The following TTLL9 variants were observed in gnomAD, a reference collection of about 807,000 sequenced individuals.
The protein encoded by TTLL9 is tubulin tyrosine ligase like 9, also known as probable tubulin polyglutamylase TTLL9.
Under a neutral mutation model 65.6 loss-of-function variants are expected in TTLL9, and 47 were observed. The observed-to-expected ratio is 0.72, with a 90% CI of 0.57 to 0.91. The LOEUF is 0.91. TTLL9 is among the 40% of genes least tolerant of loss of function. The pLI, the probability that TTLL9 is intolerant of heterozygous loss-of-function variation, is 0.00. For synonymous variants in TTLL9, 179 were observed against 204.8 expected (o/e 0.87, Z 1.07); for missense variants, 537 against 568.8 (o/e 0.94, Z 0.57).
At chr20:31,942,263 C>T (rs2064223022) in intron 14 of TTLL9, among the ~76,000 whole-genome samples, 2 of 152,188 alleles carry the variant, frequency 1.3e-5, no homozygotes, top group Admixed American at 1.3e-4. Context: ...CCATAGTTAC[C>T]TCAAGGATCA....
rs2062924880 is a variant in TTLL9 at position 31,871,190 on chromosome 20, T to C, written c.64T>C (p.Leu22=). Residue 22 remains leucine (L), a synonymous_variant, in exon 2 of 15, where the codon TTA becomes CTA. Coordinates refer to ENST00000535842, the MANE Select transcript of TTLL9 (RefSeq NM_001008409.5). ...AACTGCCATTAGGTGCCCCAAGAAA[T>C]TACAGGTGAATGTTGGGAGAGGGGT... ...GTTAIRCPKK[L]QNQNYKGHGL... 1 of 1,614,030 alleles carries C rather than the reference T, an allele frequency of 6.2e-7. No individual in the cohort carries two copies. Among genetic ancestry groups the C allele is most frequent in the African/African-American group, 1.3e-5 (1 of 75,006 alleles).
intron 2 of TTLL9, chr20:31,879,781 G>T: frequency 6.5e-7 from 1 of 1,540,522 alleles, no homozygotes; most frequent in South Asian, 1.2e-5. Flanking sequence ...CATCCAATCA[G>T]AGCGGCGGAT....
chr20:31,903,387 T>C (rs1023372343), intron 4 of TTLL9, among the ~76,000 whole-genome samples: 1 of 152,270 alleles, frequency 6.6e-6, no homozygotes, highest in Non-Finnish European at 1.5e-5. Flanking sequence ...TTCTTATATA[T>C]GATTTGCAAA....
intron 6 of TTLL9, among the ~76,000 whole-genome samples, chr20:31,911,831 CGTGTGTGTGT>C (rs55996863): frequency 0.1 from 14,256 of 142,208 alleles, 890 homozygotes; most frequent in East Asian, 0.28. Context: ...TGTGTCTGTG[CGTGTGTGTGT>C]GTGTGTGTGT....
chr20:31,932,403 C>T (rs889983131), intron 10 of TTLL9, among the ~76,000 whole-genome samples: 9 of 141,028 alleles, frequency 6.4e-5, no homozygotes, highest in African/African-American at 8.3e-5. Flanking sequence ...ACCCAGGAGG[C>T]GGAGGTTGCA....
At chr20:31,909,385 G>T (rs761160901) in intron 5 of TTLL9, among the ~76,000 whole-genome samples, 1 of 151,858 alleles carries the variant, frequency 6.6e-6, no homozygotes, top group African/African-American at 2.4e-5. Flanking sequence ...CTTGTGATCC[G>T]CCCACCTTGG....
At chr20:31,904,560 G>T (rs545446301) in intron 4 of TTLL9, among the ~76,000 whole-genome samples, 2 of 151,786 alleles carry the variant, frequency 1.3e-5, no homozygotes, top group Non-Finnish European at 2.9e-5. Context: ...GTTTAACCAC[G>T]TTGACCAGGC....
chr20:31,889,920 G>A (rs1458587522), intron 3 of TTLL9, among the ~76,000 whole-genome samples: 1 of 151,896 alleles, frequency 6.6e-6, no homozygotes, highest in East Asian at 1.9e-4. Context: ...CAGCCTTCAT[G>A]TCATGATCAG....
chr20:31,931,177 T>C (rs1294509203), intron 10 of TTLL9, among the ~76,000 whole-genome samples: 1 of 151,064 alleles, frequency 6.6e-6, no homozygotes, highest in African/African-American at 2.4e-5. Flanking sequence ...TCTCCTGGGC[T>C]GAAGCGATCC....
chr20:31,886,629 G>C (rs1362925975), intron 2 of TTLL9, among the ~76,000 whole-genome samples: 1 of 152,204 alleles, frequency 6.6e-6, no homozygotes, highest in Non-Finnish European at 1.5e-5. Context: ...AGACAAGCCT[G>C]GCCAACATGG....
Position 31,909,920 on chromosome 20 carries a change from C to G in TTLL9, c.502C>G (p.Pro168Ala), listed in dbSNP as rs1307185711. Residue 168 changes from proline to alanine, a missense_variant and splice_region_variant, in exon 6 of 15, where the codon CCT becomes GCT. Physicochemically the swap from Pro to Ala is conservative, Grantham distance 27. Around this residue, in one of 3 missense-constraint regions of TTLL9, gnomAD observed 320 missense variants for 311.0 expected, o/e 1.03. Coordinates refer to ENST00000535842, the MANE Select transcript of TTLL9 (RefSeq NM_001008409.5). The stretch of plus-strand genomic sequence containing the variant: ...CCCAGGAATCACCTGGATCATGAAG[C>G]CTGTGAGTGCCCAGTGCCAGGGGCT... ...KNPGITWIMK[P>A]VARSQGKGIF... The G allele has an allele frequency of 3.7e-6, 6 of 1,613,236 alleles. No homozygotes were observed. The highest frequency in any genetic ancestry group is 5.1e-6 in the Non-Finnish European group (6 of 1,179,488).
Position 31,908,670 on chromosome 20 carries a change from G to A in TTLL9, c.286G>A (p.Val96Met). The change falls in exon 5 of 15, where the codon GTG (valine) becomes ATG (methionine). Residue 96 changes from valine to methionine, a missense_variant. Val to Met is a conservative substitution (Grantham distance 21). This residue lies in a region of TTLL9 where 320 missense variants were observed against 311.0 expected (regional missense o/e 1.03). Transcript: ENST00000535842. ...NFDHTYMDEHVRISHFRNHYE... is the reference protein window; with the variant it reads ...NFDHTYMDEHMRISHFRNHYE... ...CGACCACACCTACATGGATGAACATGTGCGGATCAGTCACTTCCGGAACCA... is the reference window on the plus strand; with the variant it reads ...CGACCACACCTACATGGATGAACATATGCGGATCAGTCACTTCCGGAACCA... 6.2e-7 allele frequency: 1 copy of A among 1,614,154 alleles called. No homozygotes were observed. The highest frequency in any genetic ancestry group is 8.5e-7 in the Non-Finnish European group (1 of 1,180,020).
intron 2 of TTLL9, among the ~76,000 whole-genome samples, chr20:31,882,674 G>A: frequency 6.6e-6 from 1 of 152,068 alleles, no homozygotes; most frequent in East Asian, 1.9e-4. Context: ...CATTATTTTA[G>A]TGGTTTGGGG....
chr20:31,872,035 C>T (rs186927482), intron 2 of TTLL9, among the ~76,000 whole-genome samples: 1 of 152,264 alleles, frequency 6.6e-6, no homozygotes, highest in African/African-American at 2.4e-5. Flanking sequence ...CATCTCAATT[C>T]AGACAAGTCA....
intron 2 of TTLL9, among the ~76,000 whole-genome samples, chr20:31,872,750 G>T (rs2062955917): frequency 6.6e-6 from 1 of 152,162 alleles, no homozygotes; most frequent in Admixed American, 6.5e-5. Context: ...ATTTCCAGCA[G>T]AAGGAACAGC....
intron 12 of TTLL9, 65 bp from the exon 13 acceptor site, chr20:31,937,331 A>G (rs1221958080): frequency 8.9e-7 from 1 of 1,128,306 alleles, no homozygotes; most frequent in Non-Finnish European, 1.3e-6. Context: ...CTAGCCTCTC[A>G]GTGAAATCCT....
At chr20:31,893,669 C>CTT (rs35254749) in intron 3 of TTLL9, among the ~76,000 whole-genome samples, 11 of 142,108 alleles carry the variant, frequency 7.7e-5, no homozygotes, top group African/African-American at 1.3e-4. Flanking sequence ...TTTCCTCAGG[C>CTT]TTTTTTTTTT....
intron 4 of TTLL9, among the ~76,000 whole-genome samples, chr20:31,900,011 C>T (rs561237355): frequency 1.4e-4 from 22 of 152,266 alleles, no homozygotes; most frequent in Non-Finnish European, 1.9e-4. Flanking sequence ...CCGCCCTCCT[C>T]GGCCTCCTGA....
At chr20:31,872,504 C>G (rs569566999) in intron 2 of TTLL9, among the ~76,000 whole-genome samples, 147 of 148,184 alleles carry the variant, frequency 9.9e-4, no homozygotes, top group South Asian at 4.9e-3. Context: ...TAGGGAGACC[C>G]TGCTTTTACA....
Sources: gnomAD v4.1 joint callset for allele counts (sites outside exome capture counted in the v4.1 genomes callset) on GRCh38, gnomAD v4.1.1 for gene constraint, gnomAD v4.1.1 regional missense constraint, MANE v1.5 for transcripts, NCBI Gene and HGNC (gene_info 2026-07-23, HGNC 2026-07-21) for gene names.